Variants in SINHCAF observed in about 807,000 individuals in gnomAD.
The protein encoded by SINHCAF is SIN3-HDAC complex associated factor, also known as SIN3-HDAC complex-associated factor.
Under a neutral mutation model 25.8 loss-of-function variants are expected in SINHCAF, and 3 were observed. The observed-to-expected ratio is 0.12, with a 90% CI of 0.05 to 0.30. The LOEUF is 0.30. Among genes scored for constraint, SINHCAF ranks in the 10% least tolerant of loss-of-function variants. The pLI, the probability that SINHCAF is intolerant of heterozygous loss-of-function variation, is 1.00. For synonymous variants in SINHCAF, 70 were observed against 85.5 expected, an observed-to-expected ratio of 0.82 and a Z score of 1.00; for missense variants, 121 against 262.3, an observed-to-expected ratio of 0.46 and a Z score of 3.72.
At chr12:31,287,933 A>G (rs1247593518) in intron 4 of SINHCAF, 149 bp from the exon 5 acceptor site, 4 of 515,272 alleles carry the variant, frequency 7.8e-6, no homozygotes. Context: ...ATATTTGAAG[A>G]TATTCAGACT....
Position 31,300,245 on chromosome 12 carries a change from A to T in SINHCAF, c.-20-2021T>A, listed in dbSNP as rs192765588. On this transcript the variant is annotated intron_variant, in intron 1 of 5. Transcript: ENST00000337682. ...ACAACTTTTAAAAGAAAATTTTTTT[A>T]AAACTTTTATTAGCAAATAATTAGC... Among the ~76,000 whole-genome samples, 505 of 152,326 alleles carry T rather than the reference A, an allele frequency of 3.3e-3. 3 individuals carry two copies. The highest frequency in any genetic ancestry group is 0.012 in the African/African-American group (480 of 41,580).
At chr12:31,292,878 G>A (rs1353531632) in intron 4 of SINHCAF, among the ~76,000 whole-genome samples, 1 of 152,124 alleles carries the variant, frequency 6.6e-6, no homozygotes, top group African/African-American at 2.4e-5. Context: ...GATTGATAAT[G>A]TTCTCTCTAA....
chr12:31,312,150 T>A (rs983535725), intron 1 of SINHCAF: 1 of 408,938 alleles, frequency 2.4e-6, no homozygotes, highest in Admixed American at 3.0e-5. Context: ...TTAAACTTAA[T>A]TGGAACTATA....
Position 31,324,181 on chromosome 12 carries a change from GCCCGGCGCCTCCCGC to G in SINHCAF, c.-21+1828_-21+1842del, listed in dbSNP as rs1939846880. Reference sequence around the variant, plus strand: ...GAACAACGGGCCCCGCGCCAGCCCGGCCCGGCGCCTCCCGCAGGCCGCGCCTCCCGCACGCCGCGC... The same window carrying G: ...GAACAACGGGCCCCGCGCCAGCCCGGAGGCCGCGCCTCCCGCACGCCGCGC... On this transcript the variant is annotated intron_variant, in intron 1 of 5. Coordinates refer to ENST00000337682, the MANE Select transcript of SINHCAF (RefSeq NM_001135812.2). The surrounding 1 kb of genome is among the most constrained non-coding windows in gnomAD (Gnocchi z 5.5). 2 of 222,880 alleles carry G rather than the reference GCCCGGCGCCTCCCGC, an allele frequency of 9.0e-6. No individual in the cohort carries two copies. The highest frequency in any genetic ancestry group is 2.4e-5 in the African/African-American group (1 of 41,912). The allele number at this position is 222,880 out of a possible 1,614,324, so 13.8% of individuals were successfully genotyped here. A position where few individuals can be genotyped will look rare whatever the true frequency, so the allele number is the denominator to read the frequency against.
chr12:31,304,119 C>CAAAAAAAAA (rs761861557), intron 1 of SINHCAF: 48 of 125,946 alleles, frequency 3.8e-4, no homozygotes, highest in African/African-American at 1.4e-3. Context: ...GACTCTCCCT[C>CAAAAAAAAA]AAAAAAAAAA....
At chr12:31,302,616 C>T (rs745373559) in intron 1 of SINHCAF, among the ~76,000 whole-genome samples, 8 of 151,144 alleles carry the variant, frequency 5.3e-5, no homozygotes, top group African/African-American at 1.7e-4. Context: ...GCAGATTACA[C>T]GAGGCACGGT....
rs149056797 is a variant in SINHCAF at position 31,284,621 on chromosome 12, G to A, written c.507-1750C>T. Among the ~76,000 whole-genome samples, 124 of 152,122 alleles carry A rather than the reference G, an allele frequency of 8.2e-4. 1 individual carries two copies. Among genetic ancestry groups the A allele is most frequent in the African/African-American group, 2.6e-3 (109 of 41,498 alleles). On this transcript the variant is annotated intron_variant, in intron 5 of 5. Transcript: ENST00000337682. ...GCATCTGTAATTGGTGTTTGTCTAT[G>A]GTGTGAGGTAGGGAACCCAAGCCCA...
At chr12:31,292,425 A>G (rs1163729636) in intron 4 of SINHCAF, among the ~76,000 whole-genome samples, 1 of 151,870 alleles carries the variant, frequency 6.6e-6, no homozygotes, top group Non-Finnish European at 1.5e-5. Context: ...CTTGTACCCC[A>G]GAGGCAGAGG....
chr12:31,311,683 A>G, intron 1 of SINHCAF: 1 of 471,240 alleles, frequency 2.1e-6, no homozygotes. Context: ...AATATTTTTG[A>G]AGTATGCAAG....
At position 31,324,166 on chromosome 12, in the gene SINHCAF, C is replaced by T. The variant is rs1278310322; in HGVS notation, c.-21+1858G>A. On this transcript the variant is annotated intron_variant, in intron 1 of 5. Coordinates refer to ENST00000337682, the MANE Select transcript of SINHCAF (RefSeq NM_001135812.2). This position sits in a 1 kb window ranked among gnomAD's most constrained non-coding sequence, Gnocchi z 5.5. The stretch of plus-strand genomic sequence containing the variant: ...CCCTCACCTGCGCCGGAACAACGGG[C>T]CCCGCGCCAGCCCGGCCCGGCGCCT... 3.1e-6 allele frequency: 1 copy of T among 327,470 alleles called. No homozygotes were observed. Among genetic ancestry groups the T allele is most frequent in the Non-Finnish European group, 6.1e-6 (1 of 163,114 alleles). The allele number at this position is 327,470 out of a possible 1,614,324, so 20.3% of individuals were successfully genotyped here.
chr12:31,299,621 AATT>A (rs1010659370), intron 1 of SINHCAF, among the ~76,000 whole-genome samples: 4 of 152,258 alleles, frequency 2.6e-5, no homozygotes, highest in Middle Eastern at 3.4e-3. Flanking sequence ...CGGCCAAGAA[AATT>A]ATTAATATCA....
At chr12:31,290,026 G>A (rs547648976) in intron 4 of SINHCAF, among the ~76,000 whole-genome samples, 1 of 151,960 alleles carries the variant, frequency 6.6e-6, no homozygotes, top group Admixed American at 6.6e-5. Flanking sequence ...ACAAGGTCTC[G>A]TTATTTGCCC....
intron 1 of SINHCAF, among the ~76,000 whole-genome samples, chr12:31,300,390 T>C (rs1030952981): frequency 1.3e-5 from 2 of 152,318 alleles, no homozygotes; most frequent in East Asian, 1.9e-4. Context: ...AAGGCCTTCA[T>C]GCATTTCAAT....
Position 31,281,235 on chromosome 12 carries a change from G to GTTGA in SINHCAF, c.*1476_*1477insTCAA, listed in dbSNP as rs1283467852. The GTTGA allele has an allele frequency of 6.6e-6, 1 of 152,124 alleles. No homozygotes were observed. The highest frequency in any genetic ancestry group is 6.5e-5 in the Admixed American group (1 of 15,268). 9.4% of individuals were successfully genotyped at this position (152,124 alleles called of 1,614,324 possible). Reference sequence around the variant, plus strand: ...GAGGCAGTAAGAGTACTCTGGTTTGGGTTCAAGTGAGAGGCTTTTCATGAA... The same window carrying GTTGA: ...GAGGCAGTAAGAGTACTCTGGTTTGGTTGAGTTCAAGTGAGAGGCTTTTCATGAA... On this transcript the variant is annotated 3_prime_UTR_variant, in exon 6 of 6. Transcript: ENST00000337682.
At position 31,325,432 on chromosome 12, in the gene SINHCAF, A is replaced by T. The variant is rs1939931264; in HGVS notation, c.-21+592T>A. On this transcript the variant is annotated intron_variant, in intron 1 of 5. Coordinates refer to ENST00000337682, the MANE Select transcript of SINHCAF (RefSeq NM_001135812.2). The surrounding 1 kb of genome is among the most constrained non-coding windows in gnomAD (Gnocchi z 5.9). The stretch of plus-strand genomic sequence containing the variant: ...GCCCAGCACTGACCCCCAAAGGCCG[A>T]TTTAAAGACCCTCGGCCGCCAGCTC... 2.9e-6 allele frequency: 1 copy of T among 349,832 alleles called. No individual in the cohort carries two copies. The highest frequency in any genetic ancestry group is 5.7e-6 in the Non-Finnish European group (1 of 175,550). 21.7% of individuals were successfully genotyped at this position (349,832 alleles called of 1,614,324 possible).
At chr12:31,310,138 G>C (rs1939207930) in intron 1 of SINHCAF, among the ~76,000 whole-genome samples, 2 of 152,126 alleles carry the variant, frequency 1.3e-5, no homozygotes, top group Admixed American at 1.3e-4. Flanking sequence ...GAAAACATGG[G>C]ATTGGCTAAG....
intron 1 of SINHCAF, among the ~76,000 whole-genome samples, chr12:31,318,331 C>A (rs1189578206): frequency 6.6e-6 from 1 of 152,168 alleles, no homozygotes; most frequent in Non-Finnish European, 1.5e-5. Context: ...CTGAATTTAG[C>A]TAACTTTAAG....
chr12:31,304,947 T>C (rs1938960121), intron 1 of SINHCAF: 1 of 152,206 alleles, frequency 6.6e-6, no homozygotes, highest in African/African-American at 2.4e-5. Flanking sequence ...AAAGTAAATA[T>C]AATACTCTAA....
rs375515860 is a variant in SINHCAF, at chr12:31,282,578, C to T, written c.*134G>A. On this transcript the variant is annotated 3_prime_UTR_variant, in exon 6 of 6. Coordinates refer to ENST00000337682, the MANE Select transcript of SINHCAF (RefSeq NM_001135812.2). ...CGGAAGTTGCAGTGAGCCAAGATCA[C>T]GCCACTGCACTCCAGCCTGGGTAAC... 8.1e-4 allele frequency: 549 copies of T among 675,990 alleles called. 3 individuals carry two copies. In the African/African-American group the frequency reaches 8.7e-3, roughly 11 times the overall value. 41.9% of individuals were successfully genotyped at this position (675,990 alleles called of 1,614,324 possible).
Sources: allele counts gnomAD v4.1 joint callset (sites outside exome capture counted in the v4.1 genomes callset), GRCh38; gene constraint gnomAD v4.1.1; non-coding constraint Gnocchi (gnomAD v3.1); transcripts MANE v1.5; gene names NCBI Gene and HGNC (gene_info 2026-07-23, HGNC 2026-07-21).